C4orf17: variants seen among roughly 807,000 people sequenced by gnomAD.
C4orf17 encodes the protein uncharacterized protein C4orf17.
Under a neutral mutation model 32.0 loss-of-function variants are expected in C4orf17, and 25 were observed. The observed-to-expected ratio is 0.78, with a 90% CI of 0.57 to 1.09. The LOEUF (loss-of-function observed/expected upper bound fraction) is 1.09. Ranked by LOEUF, C4orf17 falls within the 50% of genes least tolerant of loss-of-function variation. C4orf17 has a pLI of 0.00. For missense variants in C4orf17, 420 were observed against 420.0 expected (o/e 1.00, Z 0.00); for synonymous variants, 149 against 145.8 (o/e 1.02, Z -0.16).
intron 1 of C4orf17, among the ~76,000 whole-genome samples, 153 bp from the exon 2 acceptor site, chr4:99,512,836 C>T (rs531683262): frequency 3.3e-4 from 51 of 152,246 alleles, no homozygotes; most frequent in African/African-American, 1.1e-3. Context: ...TACTTTTCAA[C>T]GTTTACAAAA....
Position 99,517,122 on chromosome 4 carries a change from T to C in C4orf17, c.127+3914T>C, listed in dbSNP as rs1288307929. Among the ~76,000 whole-genome samples, 11 of 152,324 alleles carry C rather than the reference T, an allele frequency of 7.2e-5. No homozygotes were observed. The South Asian group carries it at 2.1e-3, about 29-fold the overall frequency. On this transcript the variant is annotated intron_variant, in intron 2 of 8. Coordinates refer to ENST00000326581, the MANE Select transcript of C4orf17 (RefSeq NM_032149.3). ...GCTTGCTCCTCTCCTAGTGGCAACATAGCTACATCAGTTCTTAGTTTCACA... is the reference window on the plus strand; with the variant it reads ...GCTTGCTCCTCTCCTAGTGGCAACACAGCTACATCAGTTCTTAGTTTCACA...
At chr4:99,520,799 C>T (rs933974112) in intron 2 of C4orf17, among the ~76,000 whole-genome samples, 1 of 152,124 alleles carries the variant, frequency 6.6e-6, no homozygotes, top group Non-Finnish European at 1.5e-5. Flanking sequence ...TTAAATGGCA[C>T]TTATTCATTA....
At chr4:99,531,404 C>T (rs760124832) in intron 5 of C4orf17, among the ~76,000 whole-genome samples, 1 of 152,076 alleles carries the variant, frequency 6.6e-6, no homozygotes, top group East Asian at 1.9e-4. Flanking sequence ...ATATAGTTCT[C>T]AACTCAAATA....
At chr4:99,512,148 G>A (rs556392293) in intron 1 of C4orf17, among the ~76,000 whole-genome samples, 1 of 152,076 alleles carries the variant, frequency 6.6e-6, no homozygotes, top group Non-Finnish European at 1.5e-5. Flanking sequence ...AACCCAAAAA[G>A]TCTCTGCCAT....
At position 99,529,922 on chromosome 4, in the gene C4orf17, C is replaced by T; in HGVS notation, c.510C>T (p.Thr170=). The T allele has an allele frequency of 6.2e-7, 1 of 1,612,312 alleles. No homozygotes were observed. Among genetic ancestry groups the T allele is most frequent in the Non-Finnish European group, 8.5e-7 (1 of 1,179,050 alleles). The change falls in exon 5 of 9, where the codon ACC becomes ACT. Residue 170 remains threonine, a synonymous_variant. Transcript: ENST00000326581. Reference sequence around the variant, plus strand: ...CCAAGAATGATGTGAAAGCAAACACCATTTGCATACCAAACTATCTGGATC... The same window carrying T: ...CCAAGAATGATGTGAAAGCAAACACTATTTGCATACCAAACTATCTGGATC... ...TSTKNDVKAN[T]ICIPNYLDQE...
rs202235899 is a variant in C4orf17 at position 99,522,603 on chromosome 4, A to G, written c.231A>G (p.Pro77=). The G allele has an allele frequency of 2.0e-4, 330 of 1,613,850 alleles. No individual in the cohort carries two copies. Among genetic ancestry groups the G allele is most frequent in the Middle Eastern group, 1.6e-4 (1 of 6,084 alleles). The change falls in exon 3 of 9, where the codon CCA becomes CCG. Residue 77 remains proline, a synonymous_variant. Transcript: ENST00000326581. ...ACTACTTAGAGAAGAACAGGATACC[A>G]TTTGCCAATTGCAGTTACCCCTCCA... The part of the protein sequence containing the change: ...QSNYLEKNRI[P]FANCSYPSST...
At chr4:99,516,284 A>G (rs1214314790) in intron 2 of C4orf17, among the ~76,000 whole-genome samples, 1 of 152,242 alleles carries the variant, frequency 6.6e-6, no homozygotes, top group Non-Finnish European at 1.5e-5. Flanking sequence ...AGTGGTATAC[A>G]TACTGCATGT....
chr4:99,516,331 C>T (rs1723180575), intron 2 of C4orf17, among the ~76,000 whole-genome samples: 1 of 151,990 alleles, frequency 6.6e-6, no homozygotes, highest in African/African-American at 2.4e-5. Context: ...AATGAGCTGC[C>T]CACAGTCCCA....
chr4:99,514,058 A>C (rs1723138479), intron 2 of C4orf17, among the ~76,000 whole-genome samples: 1 of 152,110 alleles, frequency 6.6e-6, no homozygotes, highest in Non-Finnish European at 1.5e-5. Flanking sequence ...CGTAATCTAA[A>C]TAGACCCTCA....
At chr4:99,539,412 A>G (rs774326362) in intron 7 of C4orf17, 42 bp downstream of exon 7, 4 of 1,451,568 alleles carry the variant, frequency 2.8e-6, no homozygotes. Context: ...GGCCTATGGC[A>G]CATGAAGACT....
At chr4:99,520,371 A>C (rs557903002) in intron 2 of C4orf17, among the ~76,000 whole-genome samples, 278 of 152,340 alleles carry the variant, frequency 1.8e-3, no homozygotes, top group African/African-American at 6.4e-3. Context: ...CTGGGATTAC[A>C]GGCGTGAGCC....
chr4:99,527,933 C>G (rs570084271), intron 4 of C4orf17, among the ~76,000 whole-genome samples: 1 of 152,154 alleles, frequency 6.6e-6, no homozygotes, highest in South Asian at 2.1e-4. Flanking sequence ...ATAAAATGAC[C>G]TTTTTATCAT....
intron 5 of C4orf17, among the ~76,000 whole-genome samples, chr4:99,536,940 T>A (rs1475445262): frequency 4.6e-5 from 7 of 152,130 alleles, no homozygotes. Flanking sequence ...CAGCTTGTAA[T>A]AATTGAACAG....
chr4:99,525,952 A>C (rs973570850), intron 4 of C4orf17, among the ~76,000 whole-genome samples: 1 of 151,542 alleles, frequency 6.6e-6, no homozygotes, highest in African/African-American at 2.4e-5. Flanking sequence ...AAAATTTGTA[A>C]TTTTTTCCAT....
Position 99,523,225 on chromosome 4 carries a change from A to C in C4orf17, c.337+516A>C, listed in dbSNP as rs147257935. 4.1e-3 allele frequency among the ~76,000 whole-genome samples: 626 copies of C among 152,304 alleles called. 2 individuals are homozygous for C. Among genetic ancestry groups the C allele is most frequent in the African/African-American group, 0.011 (471 of 41,560 alleles). On this transcript the variant is annotated intron_variant, in intron 3 of 8. Coordinates refer to ENST00000326581, the MANE Select transcript of C4orf17 (RefSeq NM_032149.3). ...GAATTAATTTTTACTGAATTGAAGG[A>C]AAAAGGCACTGATAAAAGTAAAATG...
In C4orf17 at chr4:99,540,422, C is replaced by A; in HGVS notation, c.847C>A (p.Gln283Lys). 2 of 1,611,194 alleles carry A rather than the reference C, an allele frequency of 1.2e-6. No individual in the cohort carries two copies. The highest frequency in any genetic ancestry group is 2.2e-5 in the South Asian group (2 of 90,796). The change falls in exon 8 of 9, where the codon CAA (glutamine) becomes AAA (lysine). Residue 283 changes from glutamine (Q) to lysine (K), a missense_variant. Gln to Lys is a moderately conservative substitution (Grantham distance 53, BLOSUM62 1). Coordinates refer to ENST00000326581, the MANE Select transcript of C4orf17 (RefSeq NM_032149.3). ...CTCCAACTGATCTAGAGTGTCAAGT[C>A]AAGGATCTGAAGAAAACAAGGAAGT... ...EGDQPTRVSS[Q>K]GSEENKEVPK...
intron 5 of C4orf17, chr4:99,535,968 C>T (rs1414730362): frequency 9.1e-6 from 4 of 441,190 alleles, no homozygotes; most frequent in African/African-American, 6.3e-5. Flanking sequence ...TAACAGGCCA[C>T]TCTTCTGTAG....
chr4:99,513,758 T>C (rs1034853087), intron 2 of C4orf17, among the ~76,000 whole-genome samples: 4 of 152,108 alleles, frequency 2.6e-5, no homozygotes, highest in Non-Finnish European at 5.9e-5. Flanking sequence ...CAAAATTAGA[T>C]ATTAATAACA....
chr4:99,537,686 T>A lies in C4orf17; in HGVS notation c.564T>A (p.Cys188Ter), dbSNP rs1330477609. The change falls in exon 6 of 9, where the codon TGT becomes TGA. Residue 188 changes from cysteine to a stop codon, truncating the protein, a stop_gained. Transcript: ENST00000326581. LOFTEE classifies it high-confidence loss of function. ...TCTGTCAGATCCTGGCAAAGCTCTG[T>A]AGCATTTTGCATACTGATTCTCTGG... ...DQEIKILAKLCSILHTDSLAE... is the reference protein window; with the variant it reads ...DQEIKILAKL The A allele has an allele frequency of 1.2e-6, 2 of 1,612,336 alleles. No homozygotes were observed. Among genetic ancestry groups the A allele is most frequent in the South Asian group, 2.2e-5 (2 of 91,080 alleles).
Sources: allele counts gnomAD v4.1 joint callset (sites outside exome capture counted in the v4.1 genomes callset), GRCh38; gene constraint gnomAD v4.1.1; transcripts MANE v1.5; gene names NCBI Gene and HGNC (gene_info 2026-07-23, HGNC 2026-07-21).